CUX1: variants seen among roughly 807,000 people sequenced by gnomAD.
The protein encoded by CUX1 is cut like homeobox 1.
In CUX1, 31 loss-of-function variants were observed where a neutral mutation model predicts 158.8. The ratio of observed to expected loss-of-function variants is 0.20; its 90% CI spans 0.15 to 0.26. The LOEUF (loss-of-function observed/expected upper bound fraction) is 0.26, where lower values mean the gene tolerates loss of function less well. CUX1 is among the 10% of genes least tolerant of loss of function. CUX1 has a pLI of 1.00. For missense variants in CUX1, 1,589 were observed against 2,014.6 expected, an observed-to-expected ratio of 0.79 and a Z score of 4.04; for synonymous variants, 879 against 862.1, an observed-to-expected ratio of 1.02 and a Z score of -0.34.
intron 2 of CUX1, among the ~76,000 whole-genome samples, chr7:101,930,829 G>T (rs1005870554): frequency 2.6e-5 from 4 of 152,180 alleles, no homozygotes; most frequent in Non-Finnish European, 5.9e-5. Context: ...GAGCATGGTG[G>T]CTCATGCCTG....
intron 2 of CUX1, among the ~76,000 whole-genome samples, chr7:102,005,495 C>T (rs574386890): frequency 6.6e-6 from 1 of 152,154 alleles, no homozygotes; most frequent in African/African-American, 2.4e-5. Context: ...CCACTGCACC[C>T]GGGTTAATTT....
At chr7:102,032,870 A>G (rs554695330) in intron 3 of CUX1, among the ~76,000 whole-genome samples, 9 of 152,260 alleles carry the variant, frequency 5.9e-5, no homozygotes, top group African/African-American at 1.9e-4. Flanking sequence ...TATGAAGTCC[A>G]ATTTAAAGCT....
At chr7:102,199,240 C>G (rs1430733195) in intron 16 of CUX1, among the ~76,000 whole-genome samples, 1 of 152,216 alleles carries the variant, frequency 6.6e-6, no homozygotes, top group Non-Finnish European at 1.5e-5. Flanking sequence ...GCTGCTTCCT[C>G]GTATTTTTAA....
At chr7:102,163,719 C>T (rs1276402165) in intron 9 of CUX1, among the ~76,000 whole-genome samples, 3 of 152,076 alleles carry the variant, frequency 2.0e-5, no homozygotes, top group East Asian at 3.9e-4. Context: ...GAGCTGGAGG[C>T]GGGCTGGGCA....
chr7:102,239,531 C>T lies in CUX1; in HGVS notation c.3834C>T (p.Ala1278=), dbSNP rs1045208083. The T allele has an allele frequency of 1.2e-6, 2 of 1,614,146 alleles. No individual in the cohort carries two copies. The highest frequency in any genetic ancestry group is 4.5e-5 in the East Asian group (2 of 44,878). ...CACCAAAAACCATCGAAGACCTCGC[C>T]ACCCAGCTCAACCTGAAAACCAGCA... ...YPSPKTIEDL[A]TQLNLKTSTV... Residue 1278 remains alanine, a synonymous_variant, in exon 23 of 24, where the codon GCC becomes GCT. Transcript: ENST00000292535.
chr7:101,939,478 C>T (rs1383193980), intron 2 of CUX1, among the ~76,000 whole-genome samples: 1 of 152,008 alleles, frequency 6.6e-6, no homozygotes, highest in East Asian at 1.9e-4. Context: ...CTCGTCTGAA[C>T]GATCTTGTAC....
chr7:101,840,233 G>T (rs1212970354), intron 1 of CUX1, among the ~76,000 whole-genome samples: 1 of 152,194 alleles, frequency 6.6e-6, no homozygotes, highest in East Asian at 1.9e-4. Context: ...AATAATGCAA[G>T]TTTTTATTTG....
intron 1 of CUX1, among the ~76,000 whole-genome samples, chr7:101,845,729 G>A (rs1363002359): frequency 6.6e-6 from 1 of 152,218 alleles, no homozygotes; most frequent in Non-Finnish European, 1.5e-5. Context: ...TAGAAATGCA[G>A]GATCTGGCCG....
intron 1 of CUX1, among the ~76,000 whole-genome samples, chr7:101,825,434 A>C (rs539995433): frequency 1.1e-3 from 173 of 152,288 alleles, no homozygotes; most frequent in Non-Finnish European, 1.9e-3. Flanking sequence ...GTCACCGATG[A>C]GCCTGGAGGA....
chr7:101,894,812 T>C (rs1432711891), intron 1 of CUX1, among the ~76,000 whole-genome samples: 1 of 151,892 alleles, frequency 6.6e-6, no homozygotes, highest in Non-Finnish European at 1.5e-5. Context: ...ATTTTGGGGG[T>C]TCCTGAAAGA....
At chr7:101,844,318 T>TA (rs1562918730) in intron 1 of CUX1, among the ~76,000 whole-genome samples, 2 of 152,130 alleles carry the variant, frequency 1.3e-5, no homozygotes, top group African/African-American at 4.8e-5. Context: ...TTAAGTATTT[T>TA]AAATGATAGT....
At chr7:101,956,712 C>T (rs935608960) in intron 2 of CUX1, among the ~76,000 whole-genome samples, 7 of 152,130 alleles carry the variant, frequency 4.6e-5, no homozygotes, top group Non-Finnish European at 2.9e-5. Flanking sequence ...TTTGGGAGGC[C>T]GAAGCGGGCA....
At chr7:102,110,328 C>T (rs1830748369) in intron 6 of CUX1, among the ~76,000 whole-genome samples, 1 of 152,092 alleles carries the variant, frequency 6.6e-6, no homozygotes. Flanking sequence ...TATGTTATAG[C>T]ATGTTACATA....
intron 9 of CUX1, among the ~76,000 whole-genome samples, chr7:102,167,253 G>T (rs1409620092): frequency 1.6e-4 from 24 of 150,774 alleles, no homozygotes; most frequent in Admixed American, 6.6e-5. Context: ...GGGCAACAGG[G>T]TGAGACTCTG....
chr7:102,005,154 G>A (rs1255455232), intron 2 of CUX1, among the ~76,000 whole-genome samples: 1 of 152,112 alleles, frequency 6.6e-6, no homozygotes, highest in African/African-American at 2.4e-5. Context: ...GGGAGTCGGG[G>A]GTTTTGCTGT....
At chr7:102,132,679 T>G (rs117004083) in intron 8 of CUX1, among the ~76,000 whole-genome samples, 125 of 103,110 alleles carry the variant, frequency 1.2e-3, no homozygotes, top group South Asian at 3.2e-3. Context: ...TCTTTGCTTT[T>G]CTTTTTTTTT....
intron 2 of CUX1, among the ~76,000 whole-genome samples, chr7:102,004,730 C>T (rs981006441): frequency 6.6e-6 from 1 of 151,960 alleles, no homozygotes; most frequent in African/African-American, 2.4e-5. Context: ...GGTCTGATTC[C>T]TGGGATGTGA....
chr7:102,194,379 G>A (rs531045390), intron 13 of CUX1, among the ~76,000 whole-genome samples: 59 of 150,764 alleles, frequency 3.9e-4, no homozygotes, highest in Non-Finnish European at 5.9e-4. Context: ...CAGGAGGATC[G>A]CTTTGAGGCC....
intron 9 of CUX1, among the ~76,000 whole-genome samples, chr7:102,170,116 A>G (rs1190411409): frequency 2.0e-5 from 3 of 152,204 alleles, no homozygotes; most frequent in African/African-American, 7.2e-5. Context: ...TTGGTCTATG[A>G]GAATAGAAAG....
Sources: allele counts gnomAD v4.1 joint callset (sites outside exome capture counted in the v4.1 genomes callset), GRCh38; gene constraint gnomAD v4.1.1; transcripts MANE v1.5; gene names NCBI Gene and HGNC (gene_info 2026-07-23, HGNC 2026-07-21).